Variants in MDN1 observed in about 807,000 individuals in gnomAD.
MDN1 encodes midasin.
A neutral mutation model predicts 669.2 loss-of-function variants in MDN1; 266 were observed. The ratio of observed to expected loss-of-function variants is 0.40; its 90% CI spans 0.36 to 0.44. MDN1 has a LOEUF of 0.44. Ranked by LOEUF, MDN1 falls within the 20% of genes least tolerant of loss-of-function variation. The probability of loss-of-function intolerance (pLI) is 1.00; values close to 1 mark genes in which losing one functional copy is unlikely to be tolerated. For missense variants in MDN1, 5,940 were observed against 6,754.0 expected (o/e 0.88, Z 4.22); for synonymous variants, 2,385 against 2,457.1 (o/e 0.97, Z 0.87).
At chr6:89,688,435 T>A (rs148908531) in intron 66 of MDN1, 138 bp downstream of exon 66, 1 of 752,646 alleles carries the variant, frequency 1.3e-6, no homozygotes, top group African/African-American at 1.8e-5. Flanking sequence ...GTAAGTAACA[T>A]CTCATTGAAC....
chr6:89,813,178 G>A (rs1264503293), intron 1 of MDN1, among the ~76,000 whole-genome samples: 1 of 152,174 alleles, frequency 6.6e-6, no homozygotes, highest in African/African-American at 2.4e-5. Context: ...AACCACAGGT[G>A]ATCTGCCCAC....
In MDN1 at chr6:89,722,544, G is replaced by A. The variant is rs578169697; in HGVS notation, c.5967+411C>T. On this transcript the variant is annotated intron_variant, in intron 40 of 101. Coordinates refer to ENST00000369393, the MANE Select transcript of MDN1 (RefSeq NM_014611.3). ...TCTGTTCTTTTAACTTTTAAATTTT[G>A]AAGCAGCTTTAACAGGCTTGCTAGC... Among the ~76,000 whole-genome samples, 3 of 152,292 alleles carry A rather than the reference G, an allele frequency of 2.0e-5. No individual in the cohort carries two copies. In the East Asian group the frequency reaches 5.8e-4, roughly 29 times the overall value.
intron 37 of MDN1, among the ~76,000 whole-genome samples, chr6:89,726,482 G>GAAAAAAAAAAAAAAAAAAAAAA (rs201576721): frequency 1.1e-5 from 1 of 90,918 alleles, no homozygotes; most frequent in African/African-American, 4.1e-5. Context: ...AAGAAAAATA[G>GAAAAAAAAAAAAAAAAAAAAAA]AAAAAAAAAA....
Position 89,772,632 on chromosome 6 carries a change from A to T in MDN1, c.2024T>A (p.Leu675Gln). Reference protein sequence around the residue: ...VCVSKGEPVLLVGETGTGKTS... With the variant: ...VCVSKGEPVLQVGETGTGKTS... Reference sequence around the variant, plus strand: ...TTTGCCAGTCCCGGTCTCTCCCACCAGCAACACAGGCTCCCCTTTGCTGAC... The same window carrying T: ...TTTGCCAGTCCCGGTCTCTCCCACCTGCAACACAGGCTCCCCTTTGCTGAC... The change falls in exon 14 of 102, where the codon CTG becomes CAG. Residue 675 changes from leucine (L) to glutamine (Q), a missense_variant. Physicochemically the swap from Leu to Gln is moderately radical, Grantham distance 113 (BLOSUM62 -2). Transcript: ENST00000369393. 6.2e-7 allele frequency: 1 copy of T among 1,614,216 alleles called. No homozygotes were observed. Among genetic ancestry groups the T allele is most frequent in the Non-Finnish European group, 8.5e-7 (1 of 1,180,026 alleles).
In MDN1 at chr6:89,653,035, G is replaced by T; in HGVS notation, c.15782C>A (p.Thr5261Asn). ...GAGGAATTGATGAGCTGTATGAATG[G>T]TAGACTCTCGGCTTCTTTCTGGTTT... ...NEKPERSRES[T>N]IHTAHQFLMD... Residue 5261 changes from threonine (T) to asparagine (N), a missense_variant, in exon 94 of 102, where the codon ACC becomes AAC. Thr to Asn is a moderately conservative substitution (Grantham distance 65). This residue lies in a region of MDN1 where 2,280 missense variants were observed against 2,576.3 expected (regional missense o/e 0.88). Coordinates refer to ENST00000369393, the MANE Select transcript of MDN1 (RefSeq NM_014611.3). 1 of 1,614,122 alleles carries T rather than the reference G, an allele frequency of 6.2e-7. No homozygotes were observed. Among genetic ancestry groups the T allele is most frequent in the Non-Finnish European group, 8.5e-7 (1 of 1,180,010 alleles).
intron 11 of MDN1, among the ~76,000 whole-genome samples, chr6:89,777,351 A>G (rs563215156): frequency 6.6e-6 from 1 of 152,356 alleles, no homozygotes; most frequent in African/African-American, 2.4e-5. Flanking sequence ...GCAATCTAAC[A>G]TGGCTGACTC....
intron 26 of MDN1, 47 bp from the exon 27 acceptor site, chr6:89,747,517 A>T: frequency 5.1e-6 from 8 of 1,580,756 alleles, no homozygotes; most frequent in Non-Finnish European, 6.9e-6. Flanking sequence ...GCTGCAATGC[A>T]TGGTAAGTTT....
chr6:89,743,529 T>TGCAGTTTTTTA (rs776251449), intron 30 of MDN1, 47 bp downstream of exon 30: 1 of 1,590,524 alleles, frequency 6.3e-7, no homozygotes, highest in South Asian at 1.1e-5. Flanking sequence ...CATGCACAGC[T>TGCAGTTTTTTA]AACTGCAGTT....
chr6:89,672,609 T>A lies in MDN1; in HGVS notation c.13568A>T (p.Glu4523Val). 1 of 1,614,204 alleles carries A rather than the reference T, an allele frequency of 6.2e-7. No homozygotes were observed. Among genetic ancestry groups the A allele is most frequent in the Non-Finnish European group, 8.5e-7 (1 of 1,180,040 alleles). The change falls in exon 81 of 102, where the codon GAA becomes GTA. Residue 4523 changes from glutamate (E) to valine (V), a missense_variant. Coordinates refer to ENST00000369393, the MANE Select transcript of MDN1 (RefSeq NM_014611.3). ...RAILCAIQNL[E>V]ERKNEKAEEN... ...CTCTGCTTTTTCATTCTTTCTTTCT[T>A]CTAAGTTCTGGATGGCACAGAGGAT...
At chr6:89,722,099 G>C (rs1342618978) in intron 40 of MDN1, among the ~76,000 whole-genome samples, 2 of 152,166 alleles carry the variant, frequency 1.3e-5, no homozygotes, top group African/African-American at 4.8e-5. Context: ...CCTGCCTATA[G>C]CTACTGTGAG....
intron 60 of MDN1, 62 bp from the exon 61 acceptor site, chr6:89,696,054 T>C: frequency 6.6e-7 from 1 of 1,525,228 alleles, no homozygotes. Context: ...TTCCTTTTCA[T>C]ACAGTATAAT....
chr6:89,664,685 C>T, intron 84 of MDN1, 57 bp from the exon 85 acceptor site: 2 of 1,422,494 alleles, frequency 1.4e-6, no homozygotes, highest in Admixed American at 2.0e-5. Flanking sequence ...TTTGCTTCAG[C>T]TGTGAGATAT....
chr6:89,720,690 A>C (rs1036262574), intron 40 of MDN1, among the ~76,000 whole-genome samples: 3 of 152,240 alleles, frequency 2.0e-5, no homozygotes, highest in Admixed American at 1.3e-4. Context: ...AAGTGGATGA[A>C]GAAATTAAAA....
At chr6:89,651,311 C>T (rs59424905) in intron 95 of MDN1, among the ~76,000 whole-genome samples, 105 of 116,920 alleles carry the variant, frequency 9.0e-4, no homozygotes, top group African/African-American at 3.6e-3. Context: ...GGTGACAGAG[C>T]GAGATTCCGT....
chr6:89,683,800 TG>T, intron 72 of MDN1, 30 bp downstream of exon 72: 4 of 1,549,328 alleles, frequency 2.6e-6, no homozygotes, highest in Non-Finnish European at 3.6e-6. Context: ...TATTCTATTT[TG>T]GTTGTCTCCA....
chr6:89,713,209 G>A lies in MDN1; in HGVS notation c.7157C>T (p.Ala2386Val), dbSNP rs115382023. ...YLQRGLSLDR[A>V]FSEACWEVYV... ...TACTTCCCAGCATGCTTCAGAAAAG[G>A]CTCTGTCTAAACTCAGCCCTCGCTG... Residue 2386 changes from alanine to valine, a missense_variant, in exon 47 of 102, where the codon GCC becomes GTC. Transcript: ENST00000369393. The A allele has an allele frequency of 1.0e-3, 1,639 of 1,614,090 alleles. 15 individuals are homozygous for A. The African/African-American group carries it at 0.019, about 18-fold the overall frequency.
At chr6:89,654,012 A>G (rs1425972227) in intron 93 of MDN1, 152 bp downstream of exon 93, 2 of 967,834 alleles carry the variant, frequency 2.1e-6, no homozygotes, top group Non-Finnish European at 2.9e-6. Flanking sequence ...TCTGGTCCCA[A>G]ACAAAATATA....
rs1227767499 is a variant in MDN1, at chr6:89,670,910, A to G, written c.13956+9T>C. 1 of 1,613,094 alleles carries G rather than the reference A, an allele frequency of 6.2e-7. No homozygotes were observed. Among genetic ancestry groups the G allele is most frequent in the South Asian group, 1.1e-5 (1 of 90,968 alleles). ...GCTGCTCACAGTGCACCATGTGAAC[A>G]GTCCTTACCTTCTGGGCAAGCTCTG... On this transcript the variant is annotated intron_variant, in intron 83 of 101. Transcript: ENST00000369393.
chr6:89,658,846 C>T lies in MDN1; in HGVS notation c.14785G>A (p.Glu4929Lys), dbSNP rs749151302. Residue 4929 changes from glutamate (E) to lysine (K), a missense_variant, in exon 89 of 102, where the codon GAG becomes AAG. By Grantham distance (56) the Glu-to-Lys change is moderately conservative. Transcript: ENST00000369393. ...GHEAEERGET[E>K]TDQNESQSPQ... ...CTCTGACTTTCGTTCTGGTCGGTCT[C>T]GGTCTCTCCTCTTTCCTCAGCTTCA... 23 of 1,614,214 alleles carry T rather than the reference C, an allele frequency of 1.4e-5. No homozygotes were observed. Among genetic ancestry groups the T allele is most frequent in the South Asian group, 6.6e-5 (6 of 91,086 alleles).
Sources: allele counts gnomAD v4.1 joint callset (sites outside exome capture counted in the v4.1 genomes callset), GRCh38; gene constraint gnomAD v4.1.1; regional missense constraint gnomAD v4.1.1; transcripts MANE v1.5; gene names NCBI Gene and HGNC (gene_info 2026-07-23, HGNC 2026-07-21).